OXTR: variants seen among roughly 807,000 people sequenced by gnomAD.
The protein encoded by OXTR is oxytocin receptor.
In OXTR, 19 loss-of-function variants were observed where a neutral mutation model predicts 23.9. The observed-to-expected ratio is 0.80, with a 90% CI of 0.56 to 1.17. OXTR has a LOEUF of 1.17. Among genes scored for constraint, OXTR ranks in the 50% most tolerant of loss-of-function variants. The pLI is 0.00. For missense variants in OXTR, 500 were observed against 550.7 expected (o/e 0.91, Z 0.92); for synonymous variants, 278 against 250.5 (o/e 1.11, Z -1.04).
chr3:8,758,499 C>T (rs563495848), intron 3 of OXTR, among the ~76,000 whole-genome samples: 2 of 152,342 alleles, frequency 1.3e-5, no homozygotes, highest in South Asian at 4.1e-4. Context: ...TCCCTCATTC[C>T]TACAGGACTG....
intron 3 of OXTR, among the ~76,000 whole-genome samples, chr3:8,761,937 C>T (rs1429147778): frequency 6.6e-6 from 1 of 152,246 alleles, no homozygotes; most frequent in African/African-American, 2.4e-5. Context: ...CTTCCCACTA[C>T]TGTCTCCTGG....
At position 8,768,910 on chromosome 3, in the gene OXTR, T is replaced by C. The variant is rs1467300802; in HGVS notation, c.-238-319A>G. Among the ~76,000 whole-genome samples, 1 of 152,132 alleles carries C rather than the reference T, an allele frequency of 6.6e-6. No homozygotes were observed. The highest frequency in any genetic ancestry group is 1.5e-5 in the Non-Finnish European group (1 of 68,030). On this transcript the variant is annotated intron_variant, in intron 1 of 3. Coordinates refer to ENST00000316793, the MANE Select transcript of OXTR (RefSeq NM_000916.4). The surrounding 1 kb of genome is among the most constrained non-coding windows in gnomAD (Gnocchi z 5.4). ...GCACCTGCTTCGGTGGAAACCCGGT[T>C]CTGCAGTCCCTGCTGGGGGAACCCC...
chr3:8,751,541 T>A lies in OXTR; in HGVS notation c.*1436A>T, dbSNP rs1467559960. 36 of 152,186 alleles carry A rather than the reference T, an allele frequency of 2.4e-4. No individual in the cohort carries two copies. Among genetic ancestry groups the A allele is most frequent in the Admixed American group, 2.4e-3 (36 of 15,286 alleles). 9.4% of individuals were successfully genotyped at this position (152,186 alleles called of 1,614,324 possible). A position where few individuals can be genotyped will look rare whatever the true frequency, so the allele number is the denominator to read the frequency against. On this transcript the variant is annotated 3_prime_UTR_variant, in exon 4 of 4. Coordinates refer to ENST00000316793, the MANE Select transcript of OXTR (RefSeq NM_000916.4). ...TCTTATATTTAGATCTTGGATGCGT[T>A]TTGAGTTGATTTTTGCACATAGTGT...
chr3:8,758,192 C>G (rs976852783), intron 3 of OXTR, among the ~76,000 whole-genome samples: 1 of 152,094 alleles, frequency 6.6e-6, no homozygotes, highest in East Asian at 1.9e-4. Context: ...CACGTTCCAT[C>G]CTTCCCAGCC....
chr3:8,743,542 TGGGGG>T, the OXTR span, among the ~76,000 whole-genome samples: 1 of 152,196 alleles, frequency 6.6e-6, no homozygotes, highest in Non-Finnish European at 1.5e-5. Flanking sequence ...CAGAGAAAGC[TGGGGG>T]CCAAGATTAT....
intron 3 of OXTR, among the ~76,000 whole-genome samples, chr3:8,765,636 C>T (rs1284840979): frequency 6.6e-6 from 1 of 152,186 alleles, no homozygotes; most frequent in Non-Finnish European, 1.5e-5. Flanking sequence ...CAGATCTGCC[C>T]AGGAAACAGG....
At position 8,767,965 on chromosome 3, in the gene OXTR, A is replaced by G; in HGVS notation, c.223T>C (p.Phe75Leu). Reference sequence around the variant, plus strand: ...ATGCTTAGGTGCTTCATGAAGAAGAAGAGGCGCGAGTGCTTCTGGCGTGTG... The same window carrying G: ...ATGCTTAGGTGCTTCATGAAGAAGAGGAGGCGCGAGTGCTTCTGGCGTGTG... ...RTTRQKHSRL[F>L]FFMKHLSIAD... The change falls in exon 3 of 4, where the codon TTC becomes CTC. Residue 75 changes from phenylalanine (F) to leucine (L), a missense_variant. By Grantham distance (22) the Phe-to-Leu change is conservative. Coordinates refer to ENST00000316793, the MANE Select transcript of OXTR (RefSeq NM_000916.4). The G allele has an allele frequency of 6.2e-7, 1 of 1,612,806 alleles. No homozygotes were observed. The highest frequency in any genetic ancestry group is 1.7e-5 in the Admixed American group (1 of 59,924).
At chr3:8,755,991 C>T (rs886623954) in intron 3 of OXTR, among the ~76,000 whole-genome samples, 1 of 152,158 alleles carries the variant, frequency 6.6e-6, no homozygotes, top group East Asian at 1.9e-4. Flanking sequence ...GGTTTGGAAC[C>T]AGACAGGAGG....
intron 3 of OXTR, among the ~76,000 whole-genome samples, chr3:8,761,113 C>T (rs983757693): frequency 3.3e-5 from 5 of 152,178 alleles, no homozygotes; most frequent in African/African-American, 4.8e-5. Context: ...TACACACACG[C>T]CAAAGACTGT....
chr3:8,752,791 T>C lies in OXTR; in HGVS notation c.*186A>G. On this transcript the variant is annotated 3_prime_UTR_variant, in exon 4 of 4. Coordinates refer to ENST00000316793, the MANE Select transcript of OXTR (RefSeq NM_000916.4). ...TGTAGGAGGCCAGGGTGTTGTCTGA[T>C]GGCTGAGTCCCCTATCATCTTCCAT... 1.6e-6 allele frequency: 1 copy of C among 621,652 alleles called. No individual in the cohort carries two copies. Among genetic ancestry groups the C allele is most frequent in the Non-Finnish European group, 2.8e-6 (1 of 361,344 alleles). The allele number at this position is 621,652 out of a possible 1,614,324, so 38.5% of individuals were successfully genotyped here.
In OXTR at chr3:8,753,898, G is replaced by A. The variant is rs1025566839; in HGVS notation, c.923-674C>T. ...AAGGGGGTGCCACTCTGAGAGTCAT[G>A]GCTGGCCCCACAAACGGGGCATGTG... On this transcript the variant is annotated intron_variant, in intron 3 of 3. Coordinates refer to ENST00000316793, the MANE Select transcript of OXTR (RefSeq NM_000916.4). 3.3e-5 allele frequency among the ~76,000 whole-genome samples: 5 copies of A among 152,186 alleles called. No homozygotes were observed. The East Asian group carries it at 7.7e-4, about 23-fold the overall frequency.
chr3:8,742,529 C>G, the OXTR span: 1 of 455,800 alleles, frequency 2.2e-6, no homozygotes, highest in South Asian at 1.6e-5. Flanking sequence ...TCATTTATAA[C>G]TAAGTAGGCT....
intron 3 of OXTR, among the ~76,000 whole-genome samples, chr3:8,759,806 G>A (rs1051739113): frequency 3.3e-5 from 5 of 152,202 alleles, no homozygotes; most frequent in Non-Finnish European, 5.9e-5. Flanking sequence ...CACAAAAGGA[G>A]ATACTGGCAG....
At chr3:8,741,941 C>T in the OXTR span, among the ~76,000 whole-genome samples, 5 of 152,178 alleles carry the variant, frequency 3.3e-5, no homozygotes, top group Non-Finnish European at 7.3e-5. Flanking sequence ...AGAATGTGCA[C>T]CATCGTTCCC....
In OXTR at chr3:8,761,653, G is replaced by C. The variant is rs1230695852; in HGVS notation, c.922+5613C>G. Among the ~76,000 whole-genome samples the C allele has an allele frequency of 4.6e-5, 7 of 152,132 alleles. No homozygotes were observed. In the South Asian group the frequency reaches 1.2e-3, roughly 27 times the overall value. ...CATCATCTGTAGAAAAGCCATGATG[G>C]GCCCCTTCCTTGCTGCATTAGGGTG... On this transcript the variant is annotated intron_variant, in intron 3 of 3. Transcript: ENST00000316793.
At chr3:8,745,572 T>G (rs1708130115), downstream of OXTR, 1 of 1,614,018 alleles carries the variant, frequency 6.2e-7, no homozygotes, top group Non-Finnish European at 8.5e-7. This position sits in a 1 kb window ranked among gnomAD's most constrained non-coding sequence, Gnocchi z 4.8. Flanking sequence ...ACCTACAGCT[T>G]TGACGGCGTG....
rs1708264210 is a variant in OXTR at position 8,751,759 on chromosome 3, A to C, written c.*1218T>G. Reference sequence around the variant, plus strand: ...CTATCCTTAAACCAGTAACACACTGAGCTGATTACCTTTATCGTAAATTAT... The same window carrying C: ...CTATCCTTAAACCAGTAACACACTGCGCTGATTACCTTTATCGTAAATTAT... On this transcript the variant is annotated 3_prime_UTR_variant, in exon 4 of 4. Transcript: ENST00000316793. The C allele has an allele frequency of 6.6e-6, 1 of 152,190 alleles. No individual in the cohort carries two copies. Among genetic ancestry groups the C allele is most frequent in the Non-Finnish European group, 1.5e-5 (1 of 68,036 alleles). 9.4% of individuals were successfully genotyped at this position (152,190 alleles called of 1,614,324 possible).
At chr3:8,763,342 G>A (rs1687680335) in intron 3 of OXTR, among the ~76,000 whole-genome samples, 2 of 152,152 alleles carry the variant, frequency 1.3e-5, no homozygotes, top group African/African-American at 4.8e-5. Context: ...AGGAGGTGGA[G>A]GCTCAGAGCA....
At chr3:8,757,925 GAGAA>G (rs1708408369) in intron 3 of OXTR, among the ~76,000 whole-genome samples, 2 of 152,156 alleles carry the variant, frequency 1.3e-5, no homozygotes, top group Non-Finnish European at 2.9e-5. Context: ...GACTCAGGAT[GAGAA>G]AGAGAGACTT....
Sources: allele counts gnomAD v4.1 joint callset (sites outside exome capture counted in the v4.1 genomes callset), GRCh38; gene constraint gnomAD v4.1.1; non-coding constraint Gnocchi (gnomAD v3.1); transcripts MANE v1.5; gene names NCBI Gene and HGNC (gene_info 2026-07-23, HGNC 2026-07-21).